CTNND2: variants seen among roughly 807,000 people sequenced by gnomAD.
The protein encoded by CTNND2 is catenin delta 2.
In CTNND2, 22 loss-of-function variants were observed where a neutral mutation model predicts 144.4. The observed-to-expected ratio is 0.15, with a 90% CI of 0.11 to 0.22. The LOEUF is 0.22. Ranked by LOEUF, CTNND2 falls within the 10% of genes least tolerant of loss-of-function variation. The pLI, the probability that CTNND2 is intolerant of heterozygous loss-of-function variation, is 1.00. For missense variants in CTNND2, 1,353 were observed against 1,618.8 expected (o/e 0.84, Z 2.82); for synonymous variants, 751 against 695.6 (o/e 1.08, Z -1.25).
chr5:11,452,044 G>A (rs1037663013), intron 3 of CTNND2, among the ~76,000 whole-genome samples: 10 of 152,100 alleles, frequency 6.6e-5, no homozygotes, highest in Non-Finnish European at 1.2e-4. Flanking sequence ...AAATTTTAAG[G>A]CTAAACATGC....
At chr5:11,314,415 A>G (rs1751298242) in intron 9 of CTNND2, among the ~76,000 whole-genome samples, 1 of 152,134 alleles carries the variant, frequency 6.6e-6, no homozygotes, top group Non-Finnish European at 1.5e-5. Flanking sequence ...CAGCGGCATG[A>G]TCAGAGCTCA....
At chr5:11,867,046 T>G (rs1358831381) in intron 1 of CTNND2, among the ~76,000 whole-genome samples, 1 of 152,254 alleles carries the variant, frequency 6.6e-6, no homozygotes, top group African/African-American at 2.4e-5. Flanking sequence ...AAGTCTGTAT[T>G]TAATACCACA....
At chr5:11,117,673 A>T (rs1035020805) in intron 12 of CTNND2, 106 bp from the exon 13 acceptor site, 1 of 823,552 alleles carries the variant, frequency 1.2e-6, no homozygotes, top group Middle Eastern at 2.3e-4. Context: ...ATTTTTCCCC[A>T]CTTTTTCAGA....
At chr5:11,713,042 GAGA>G (rs1786125497) in intron 2 of CTNND2, among the ~76,000 whole-genome samples, 1 of 152,270 alleles carries the variant, frequency 6.6e-6, no homozygotes, top group South Asian at 2.1e-4. Flanking sequence ...GCAAAATGGG[GAGA>G]AGGAGAAAGA....
intron 3 of CTNND2, among the ~76,000 whole-genome samples, chr5:11,514,202 GA>G (rs5865952): frequency 0.62 from 92,027 of 148,638 alleles, 29,020 homozygotes; most frequent in African/African-American, 0.76. Flanking sequence ...AAAAGAAAAA[GA>G]AAAAAAAAAT....
intron 3 of CTNND2, among the ~76,000 whole-genome samples, chr5:11,498,391 C>T (rs1054690896): frequency 6.6e-6 from 1 of 152,150 alleles, no homozygotes; most frequent in Non-Finnish European, 1.5e-5. Flanking sequence ...TCTAACACTA[C>T]TAAAAGATGG....
At chr5:11,621,060 A>C (rs565801675) in intron 2 of CTNND2, among the ~76,000 whole-genome samples, 12 of 152,304 alleles carry the variant, frequency 7.9e-5, no homozygotes, top group African/African-American at 2.9e-4. Context: ...CTCCTGAAAG[A>C]ACGGTGTATA....
At chr5:10,987,123 GGGGT>G (rs1738075465) in intron 20 of CTNND2, among the ~76,000 whole-genome samples, 2 of 152,156 alleles carry the variant, frequency 1.3e-5, no homozygotes, top group African/African-American at 2.4e-5. Flanking sequence ...AAGAGGATGT[GGGGT>G]CCCCGTTGAA....
At chr5:11,269,607 G>C (rs1023947797) in intron 9 of CTNND2, among the ~76,000 whole-genome samples, 1 of 152,278 alleles carries the variant, frequency 6.6e-6, no homozygotes, top group South Asian at 2.1e-4. Context: ...TTAATATAAA[G>C]AAATCAGTGC....
chr5:11,660,199 G>A (rs1783118736), intron 2 of CTNND2, among the ~76,000 whole-genome samples: 1 of 152,096 alleles, frequency 6.6e-6, no homozygotes, highest in Non-Finnish European at 1.5e-5. Flanking sequence ...GCAAGAAGCT[G>A]CTACCTGAGG....
At chr5:11,824,484 G>A (rs1274894478) in intron 1 of CTNND2, among the ~76,000 whole-genome samples, 1 of 152,106 alleles carries the variant, frequency 6.6e-6, no homozygotes, top group Non-Finnish European at 1.5e-5. Context: ...TGAGGAAGCA[G>A]GAAACTATCC....
At chr5:11,303,420 T>C (rs1040369655) in intron 9 of CTNND2, among the ~76,000 whole-genome samples, 15 of 152,192 alleles carry the variant, frequency 9.9e-5, no homozygotes, top group African/African-American at 2.9e-4. Context: ...TGGCCCTGGG[T>C]AAGTCACCCA....
intron 10 of CTNND2, among the ~76,000 whole-genome samples, chr5:11,235,418 G>A (rs552448906): frequency 6.6e-6 from 1 of 152,290 alleles, no homozygotes; most frequent in East Asian, 1.9e-4. Context: ...TGGGACAGGA[G>A]TCACGTAACT....
At chr5:11,838,716 T>C (rs1247866381) in intron 1 of CTNND2, among the ~76,000 whole-genome samples, 1 of 152,216 alleles carries the variant, frequency 6.6e-6, no homozygotes, top group East Asian at 1.9e-4. Flanking sequence ...TCATTAAATA[T>C]TACATTGCAT....
chr5:11,662,178 C>CATATATATGT (rs531561373), intron 2 of CTNND2, among the ~76,000 whole-genome samples: 1 of 120,400 alleles, frequency 8.3e-6, no homozygotes, highest in Non-Finnish European at 1.8e-5. Context: ...TGTATATATA[C>CATATATATGT]ATATATGTGT....
chr5:11,478,681 A>G (rs1767978465), intron 3 of CTNND2, among the ~76,000 whole-genome samples: 1 of 152,192 alleles, frequency 6.6e-6, no homozygotes, highest in Non-Finnish European at 1.5e-5. Context: ...ACCTATAATA[A>G]TTATGCATTT....
intron 1 of CTNND2, among the ~76,000 whole-genome samples, chr5:11,768,630 T>C (rs912017404): frequency 2.6e-5 from 4 of 152,178 alleles, no homozygotes; most frequent in Non-Finnish European, 1.5e-5. Flanking sequence ...CTAAGAGACA[T>C]TGCTGAAGTT....
chr5:11,596,568 A>C (rs1278859815), intron 2 of CTNND2, among the ~76,000 whole-genome samples: 1 of 152,238 alleles, frequency 6.6e-6, no homozygotes, highest in African/African-American at 2.4e-5. Flanking sequence ...TTTCTTGAAG[A>C]TATATCACAT....
intron 3 of CTNND2, among the ~76,000 whole-genome samples, chr5:11,452,631 A>T (rs983312687): frequency 7.2e-5 from 11 of 152,304 alleles, no homozygotes; most frequent in African/African-American, 2.6e-4. Context: ...TGACACTAAG[A>T]TTGTTCAAGA....
Sources: allele counts gnomAD v4.1 joint callset (sites outside exome capture counted in the v4.1 genomes callset), GRCh38; gene constraint gnomAD v4.1.1; transcripts MANE v1.5; gene names NCBI Gene and HGNC (gene_info 2026-07-23, HGNC 2026-07-21).